Variants in RBFOX1 observed in about 807,000 individuals in gnomAD.
The protein encoded by RBFOX1 is RNA binding protein fox-1 homolog 1.
Under a neutral mutation model 57.7 loss-of-function variants are expected in RBFOX1, and 8 were observed. That is an observed-to-expected ratio of 0.14 (90% CI 0.08 to 0.25). The LOEUF is 0.25. Ranked by LOEUF, RBFOX1 falls within the 10% of genes least tolerant of loss-of-function variation. The probability of loss-of-function intolerance (pLI) is 1.00; values close to 1 mark genes in which losing one functional copy is unlikely to be tolerated. For synonymous variants in RBFOX1, 326 were observed against 222.4 expected (o/e 1.47, Z -4.15); for missense variants, 611 against 548.5 (o/e 1.11, Z -1.14).
chr16:7,293,790 C>T (rs1871624038), intron 4 of RBFOX1, among the ~76,000 whole-genome samples: 1 of 152,150 alleles, frequency 6.6e-6, no homozygotes, highest in Non-Finnish European at 1.5e-5. Context: ...TGATTCCTTA[C>T]ATCGTTCCTA....
chr16:7,099,352 G>A (rs767656957), intron 4 of RBFOX1, among the ~76,000 whole-genome samples: 22 of 152,110 alleles, frequency 1.4e-4, no homozygotes, highest in Non-Finnish European at 7.4e-5. Flanking sequence ...GCTTCTCCTC[G>A]TAGGATCTTT....
intron 1 of RBFOX1, among the ~76,000 whole-genome samples, chr16:6,276,377 C>G (rs537434676): frequency 1.2e-4 from 18 of 152,250 alleles, no homozygotes; most frequent in Middle Eastern, 6.8e-3. Flanking sequence ...TTCTGTTGCC[C>G]AAGCTGGAGT....
At chr16:5,531,616 G>T (rs570347380) in intron 2 of RBFOX1, among the ~76,000 whole-genome samples, 1 of 151,018 alleles carries the variant, frequency 6.6e-6, no homozygotes, top group South Asian at 2.1e-4. Flanking sequence ...TTTCATCTGT[G>T]TAATAGGATT....
intron 2 of RBFOX1, among the ~76,000 whole-genome samples, chr16:6,443,332 C>T (rs140330479): frequency 3.9e-4 from 60 of 152,292 alleles, no homozygotes; most frequent in African/African-American, 1.4e-3. Context: ...GCAAAGCAAA[C>T]ACAAAGTAAA....
intron 2 of RBFOX1, among the ~76,000 whole-genome samples, chr16:6,437,503 G>T (rs7196936): frequency 0.036 from 5,496 of 152,180 alleles, 355 homozygotes; most frequent in African/African-American, 0.13. Flanking sequence ...TGCTTCATTA[G>T]GTTCTCCAGG....
At chr16:6,062,512 T>C (rs1470777236) in intron 1 of RBFOX1, among the ~76,000 whole-genome samples, 2 of 151,148 alleles carry the variant, frequency 1.3e-5, no homozygotes, top group Non-Finnish European at 2.9e-5. Flanking sequence ...CACATACATA[T>C]TTCTTATAAA....
intron 1 of RBFOX1, among the ~76,000 whole-genome samples, chr16:6,178,342 A>G (rs1598102494): frequency 6.6e-6 from 1 of 151,720 alleles, no homozygotes; most frequent in Admixed American, 6.6e-5. Flanking sequence ...ACGCGCCACC[A>G]TGCCTAACTT....
At chr16:7,378,141 A>T (rs1045296302) in intron 4 of RBFOX1, among the ~76,000 whole-genome samples, 2 of 152,212 alleles carry the variant, frequency 1.3e-5, no homozygotes, top group African/African-American at 4.8e-5. Flanking sequence ...GAGGACTTTG[A>T]TGGGCGGCAG....
intron 4 of RBFOX1, among the ~76,000 whole-genome samples, chr16:5,934,674 C>T (rs1220182926): frequency 6.6e-6 from 1 of 152,184 alleles, no homozygotes; most frequent in Non-Finnish European, 1.5e-5. Flanking sequence ...GTGATTACTA[C>T]ACGTTATATT....
At chr16:7,117,392 A>G (rs1002561832) in intron 4 of RBFOX1, among the ~76,000 whole-genome samples, 1 of 152,210 alleles carries the variant, frequency 6.6e-6, no homozygotes, top group Admixed American at 6.5e-5. Context: ...TGTGAAGGGA[A>G]GCAACATGGG....
chr16:5,297,554 C>G (rs185374604), intron 1 of RBFOX1, among the ~76,000 whole-genome samples: 1 of 152,204 alleles, frequency 6.6e-6, no homozygotes, highest in East Asian at 1.9e-4. Context: ...TGAGAAATGT[C>G]TACTTAGATC....
intron 2 of RBFOX1, among the ~76,000 whole-genome samples, chr16:6,435,023 C>T (rs1412579215): frequency 2.6e-5 from 4 of 152,196 alleles, no homozygotes; most frequent in East Asian, 3.8e-4. Flanking sequence ...TGGATCAGCC[C>T]TGAGTCTAAG....
intron 3 of RBFOX1, among the ~76,000 whole-genome samples, chr16:6,656,076 C>T (rs1323426049): frequency 6.6e-6 from 1 of 152,120 alleles, no homozygotes; most frequent in Non-Finnish European, 1.5e-5. Flanking sequence ...TTGCATTCAC[C>T]ATGTGTTTGC....
chr16:5,896,837 C>T (rs1227923277), intron 4 of RBFOX1, among the ~76,000 whole-genome samples: 1 of 152,032 alleles, frequency 6.6e-6, no homozygotes, highest in East Asian at 1.9e-4. Flanking sequence ...GGTGAAGCAT[C>T]AACAGCATCA....
intron 3 of RBFOX1, among the ~76,000 whole-genome samples, chr16:5,706,684 C>A (rs367774645): frequency 6.6e-5 from 10 of 152,082 alleles, no homozygotes; most frequent in Non-Finnish European, 1.5e-4. Flanking sequence ...TTATGTCTTT[C>A]CTAAAGCACT....
At chr16:6,516,388 C>A (rs1393331775) in intron 2 of RBFOX1, among the ~76,000 whole-genome samples, 1 of 152,166 alleles carries the variant, frequency 6.6e-6, no homozygotes, top group East Asian at 1.9e-4. Context: ...ACCCATATCA[C>A]ATAGTTGTAA....
chr16:5,968,777 A>G (rs1020099735), intron 4 of RBFOX1, among the ~76,000 whole-genome samples: 1 of 152,134 alleles, frequency 6.6e-6, no homozygotes, highest in South Asian at 2.1e-4. Flanking sequence ...TCTTTGAAAT[A>G]GGATTTTTAG....
At chr16:6,350,315 C>T (rs1445596669) in intron 2 of RBFOX1, among the ~76,000 whole-genome samples, 1 of 151,750 alleles carries the variant, frequency 6.6e-6, no homozygotes, top group East Asian at 1.9e-4. Context: ...GTTGCGCATG[C>T]CTGTAATACT....
At chr16:6,007,622 A>G (rs1396847051) in intron 4 of RBFOX1, among the ~76,000 whole-genome samples, 1 of 152,234 alleles carries the variant, frequency 6.6e-6, no homozygotes, top group African/African-American at 2.4e-5. Flanking sequence ...CTAGCAAGAG[A>G]TAACTAATAC....
Sources: gnomAD v4.1 joint callset for allele counts (sites outside exome capture counted in the v4.1 genomes callset) on GRCh38, gnomAD v4.1.1 for gene constraint, MANE v1.5 for transcripts, NCBI Gene and HGNC (gene_info 2026-07-23, HGNC 2026-07-21) for gene names.